Variants in CCDC102B observed in about 807,000 individuals in gnomAD.
CCDC102B encodes coiled-coil domain containing 102B, also known as coiled-coil domain-containing protein 102B.
Under a neutral mutation model 57.4 loss-of-function variants are expected in CCDC102B, and 75 were observed. That is an observed-to-expected ratio of 1.31 (90% CI 1.08 to 1.58). CCDC102B has a LOEUF of 1.58. Among genes scored for constraint, CCDC102B ranks in the 40% most tolerant of loss-of-function variants. CCDC102B has a pLI of 0.00. For missense variants in CCDC102B, 636 were observed against 582.6 expected, an observed-to-expected ratio of 1.09 and a Z score of -0.94; for synonymous variants, 206 against 201.9, an observed-to-expected ratio of 1.02 and a Z score of -0.17.
At chr18:68,872,564 C>A (rs1443308659) in intron 4 of CCDC102B, among the ~76,000 whole-genome samples, 1 of 151,540 alleles carries the variant, frequency 6.6e-6, no homozygotes, top group African/African-American at 2.4e-5. Flanking sequence ...AACTAATATT[C>A]TCTTTTATAT....
chr18:68,782,648 A>C (rs1298345443), intron 2 of CCDC102B, among the ~76,000 whole-genome samples: 1 of 152,166 alleles, frequency 6.6e-6, no homozygotes, highest in Non-Finnish European at 1.5e-5. Context: ...TCACTCTCTA[A>C]TTTCCAGTAG....
At chr18:68,732,794 AT>A (rs1568222261) in intron 2 of CCDC102B, among the ~76,000 whole-genome samples, 2 of 152,138 alleles carry the variant, frequency 1.3e-5, no homozygotes, top group African/African-American at 4.8e-5. Context: ...TCCCAGATCT[AT>A]GTATTAAAAA....
intron 7 of CCDC102B, among the ~76,000 whole-genome samples, chr18:69,017,039 T>C (rs1305803558): frequency 1.3e-5 from 2 of 151,976 alleles, no homozygotes; most frequent in South Asian, 4.2e-4. Flanking sequence ...TTAAAAAGGG[T>C]TTAATCTCTC....
At chr18:68,894,033 AAT>A (rs1395099261) in intron 5 of CCDC102B, among the ~76,000 whole-genome samples, 15 of 152,022 alleles carry the variant, frequency 9.9e-5, no homozygotes, top group Non-Finnish European at 2.1e-4. Context: ...TTGCAGCTTA[AAT>A]ATCAATCATT....
At chr18:68,716,257 T>C (rs2031980117) in intron 1 of CCDC102B, among the ~76,000 whole-genome samples, 1 of 151,654 alleles carries the variant, frequency 6.6e-6, no homozygotes, top group Non-Finnish European at 1.5e-5. Context: ...TTTTCTACTT[T>C]CTTGGCAAGG....
At chr18:68,983,201 T>G (rs1222689218) in intron 6 of CCDC102B, among the ~76,000 whole-genome samples, 1 of 151,892 alleles carries the variant, frequency 6.6e-6, no homozygotes, top group Non-Finnish European at 1.5e-5. Context: ...GGTGAGTATA[T>G]GAGCTCTTTC....
intron 6 of CCDC102B, among the ~76,000 whole-genome samples, chr18:69,000,286 A>G (rs966821076): frequency 6.6e-6 from 1 of 152,164 alleles, no homozygotes; most frequent in African/African-American, 2.4e-5. Flanking sequence ...GCCCTTTGAG[A>G]TGGGTGTTAT....
At position 68,933,262 on chromosome 18, in the gene CCDC102B, C is replaced by A. The variant is rs73463853; in HGVS notation, c.1263+35834C>A. ...TCCAGCACAAATCTGAATTGTTTAT[C>A]CACAACCTTGTAATAAGATTTCACA... On this transcript the variant is annotated intron_variant, in intron 6 of 7. Transcript: ENST00000360242. Among the ~76,000 whole-genome samples, 813 of 151,944 alleles carry A rather than the reference C, an allele frequency of 5.4e-3. 4 individuals are homozygous for A. Among genetic ancestry groups the A allele is most frequent in the African/African-American group, 0.018 (754 of 41,516 alleles).
chr18:68,766,438 A>C (rs1346271976), intron 2 of CCDC102B, among the ~76,000 whole-genome samples: 3 of 152,208 alleles, frequency 2.0e-5, no homozygotes, highest in Non-Finnish European at 4.4e-5. Flanking sequence ...GTGCAGGTTT[A>C]AGAAGTGGAA....
At chr18:68,796,843 ATGTGTGTGTGTGTGTG>A (rs35894372), upstream of CCDC102B, among the ~76,000 whole-genome samples, 1 of 146,992 alleles carries the variant, frequency 6.8e-6, no homozygotes, top group African/African-American at 2.5e-5. Context: ...ATGTACATGC[ATGTGTGTGTGTGTGTG>A]TGTGTGTGTG....
At chr18:68,899,494 A>T (rs532688975) in intron 6 of CCDC102B, among the ~76,000 whole-genome samples, 39 of 152,164 alleles carry the variant, frequency 2.6e-4, no homozygotes, top group Admixed American at 5.2e-4. Context: ...AATTCCATAC[A>T]TGAGTGAGGC....
At chr18:68,719,781 C>T (rs188542640) in intron 2 of CCDC102B, among the ~76,000 whole-genome samples, 49 of 152,282 alleles carry the variant, frequency 3.2e-4, no homozygotes, top group Non-Finnish European at 2.4e-4. Flanking sequence ...GTTACAAACA[C>T]GTCCAGACAA....
chr18:68,931,960 A>G (rs2041687982), intron 6 of CCDC102B, among the ~76,000 whole-genome samples: 1 of 147,466 alleles, frequency 6.8e-6, no homozygotes, highest in Non-Finnish European at 1.5e-5. Flanking sequence ...CAAAGTGGGT[A>G]TTCTATACAC....
At chr18:68,725,821 A>G (rs2032568416) in intron 2 of CCDC102B, among the ~76,000 whole-genome samples, 1 of 152,182 alleles carries the variant, frequency 6.6e-6, no homozygotes. Flanking sequence ...GACTATGGGA[A>G]CTTGGAATGG....
upstream of CCDC102B, among the ~76,000 whole-genome samples, chr18:68,797,059 G>T (rs1307944776): frequency 1.3e-5 from 2 of 151,962 alleles, no homozygotes; most frequent in African/African-American, 4.8e-5. Context: ...CATCACGTGG[G>T]GAAAATCCGG....
chr18:68,815,126 T>G (rs2036423691), intron 1 of CCDC102B, among the ~76,000 whole-genome samples: 1 of 152,164 alleles, frequency 6.6e-6, no homozygotes, highest in African/African-American at 2.4e-5. Context: ...TTTATTTGCT[T>G]GTTCTGAGGT....
chr18:68,911,477 G>T (rs550042388), intron 6 of CCDC102B, among the ~76,000 whole-genome samples: 4 of 150,802 alleles, frequency 2.7e-5, no homozygotes, highest in Admixed American at 2.0e-4. Context: ...AAAAGGCCGG[G>T]CGCGGTGGCT....
chr18:68,986,877 A>T (rs1315147095), intron 6 of CCDC102B, among the ~76,000 whole-genome samples: 1 of 152,168 alleles, frequency 6.6e-6, no homozygotes, highest in Non-Finnish European at 1.5e-5. Flanking sequence ...GAAGGGAAAG[A>T]TCTCTATGAG....
At position 69,005,596 on chromosome 18, in the gene CCDC102B, T is replaced by C. The variant is rs565188261; in HGVS notation, c.1264-5338T>C. Reference sequence around the variant, plus strand: ...TTTTAAGGTATAAGAAAATATATTTTGTCAGCTTGCTATGACTAAACTCAA... The same window carrying C: ...TTTTAAGGTATAAGAAAATATATTTCGTCAGCTTGCTATGACTAAACTCAA... On this transcript the variant is annotated intron_variant, in intron 6 of 7. Transcript: ENST00000360242. 1.4e-3 allele frequency among the ~76,000 whole-genome samples: 213 copies of C among 152,144 alleles called. 2 individuals carry two copies. The highest frequency in any genetic ancestry group is 5.0e-3 in the African/African-American group (207 of 41,568).
Sources: gnomAD v4.1 joint callset for allele counts (sites outside exome capture counted in the v4.1 genomes callset) on GRCh38, gnomAD v4.1.1 for gene constraint, MANE v1.5 for transcripts, NCBI Gene and HGNC (gene_info 2026-07-23, HGNC 2026-07-21) for gene names.